Variants in PTPRM observed in about 807,000 individuals in gnomAD.
PTPRM encodes the protein receptor-type tyrosine-protein phosphatase mu.
Under a neutral mutation model 186.7 loss-of-function variants are expected in PTPRM, and 47 were observed. That is an observed-to-expected ratio of 0.25 (90% CI 0.20 to 0.32). The LOEUF (loss-of-function observed/expected upper bound fraction) is 0.32, where lower values mean the gene tolerates loss of function less well. PTPRM is among the 10% of genes least tolerant of loss of function. The probability of loss-of-function intolerance (pLI) is 1.00; values close to 1 mark genes in which losing one functional copy is unlikely to be tolerated. For synonymous variants in PTPRM, 668 were observed against 674.9 expected, an observed-to-expected ratio of 0.99 and a Z score of 0.16; for missense variants, 1,494 against 1,865.0, an observed-to-expected ratio of 0.80 and a Z score of 3.66.
At chr18:8,288,164 G>A (rs72916829) in intron 19 of PTPRM, among the ~76,000 whole-genome samples, 1 of 152,348 alleles carries the variant, frequency 6.6e-6, no homozygotes, top group Non-Finnish European at 1.5e-5. Flanking sequence ...AGAAGCAGCA[G>A]AGAGTCTTGC....
In PTPRM at chr18:8,262,050, T is replaced by C. The variant is rs191002609; in HGVS notation, c.2754+8636T>C. ...CTCCTGCTTTTGATTAGTTTGATGC[T>C]GTCACCGCCCACTAACATGGTCAAA... On this transcript the variant is annotated intron_variant, in intron 19 of 32. Coordinates refer to ENST00000580170, the MANE Select transcript of PTPRM (RefSeq NM_001105244.2). Among the ~76,000 whole-genome samples, 7 of 152,238 alleles carry C rather than the reference T, an allele frequency of 4.6e-5. No individual in the cohort carries two copies. The East Asian group carries it at 1.4e-3, about 29-fold the overall frequency.
At chr18:8,334,201 G>A (rs2095426524) in intron 22 of PTPRM, among the ~76,000 whole-genome samples, 2 of 152,182 alleles carry the variant, frequency 1.3e-5, no homozygotes, top group African/African-American at 4.8e-5. Flanking sequence ...CTTGTCCTGG[G>A]TTCCCCTTAT....
chr18:8,021,916 T>C (rs2147970902), intron 7 of PTPRM, among the ~76,000 whole-genome samples: 1 of 152,328 alleles, frequency 6.6e-6, no homozygotes, highest in South Asian at 2.1e-4. Flanking sequence ...AAATTTAGAC[T>C]AATCAGTAGA....
chr18:8,242,184 A>T (rs1369295103), intron 14 of PTPRM, among the ~76,000 whole-genome samples: 1 of 152,182 alleles, frequency 6.6e-6, no homozygotes, highest in Non-Finnish European at 1.5e-5. Context: ...TAGGCAGAAC[A>T]AAAAAGAATA....
At chr18:7,931,741 AT>A (rs1441615292) in intron 5 of PTPRM, among the ~76,000 whole-genome samples, 1 of 152,220 alleles carries the variant, frequency 6.6e-6, no homozygotes, top group African/African-American at 2.4e-5. Context: ...GATGTTGTAT[AT>A]TTTTTATGTA....
intron 14 of PTPRM, among the ~76,000 whole-genome samples, chr18:8,199,181 C>T (rs545060788): frequency 2.0e-5 from 3 of 152,108 alleles, no homozygotes; most frequent in South Asian, 2.1e-4. Flanking sequence ...CTGTTATATG[C>T]CTTAAGTTAT....
At chr18:8,004,383 T>G (rs550962065) in intron 7 of PTPRM, among the ~76,000 whole-genome samples, 1 of 152,032 alleles carries the variant, frequency 6.6e-6, no homozygotes, top group Non-Finnish European at 1.5e-5. Context: ...GTAGAAAAAT[T>G]ACTCAGGCAA....
chr18:8,301,933 G>A (rs543935416), intron 20 of PTPRM, among the ~76,000 whole-genome samples: 2 of 152,218 alleles, frequency 1.3e-5, no homozygotes, highest in Non-Finnish European at 2.9e-5. Flanking sequence ...ACGGAGGAGT[G>A]TGGCCGCCCA....
chr18:7,926,770 A>C, intron 5 of PTPRM, 87 bp downstream of exon 5: 5 of 882,780 alleles, frequency 5.7e-6, no homozygotes, highest in Non-Finnish European at 8.5e-6. Flanking sequence ...AAACAGACTC[A>C]GGTCCTAGTG....
Position 7,874,043 on chromosome 18 carries a change from T to C in PTPRM, c.197-14063T>C, listed in dbSNP as rs372406666. Among the ~76,000 whole-genome samples, 56 of 152,220 alleles carry C rather than the reference T, an allele frequency of 3.7e-4. 1 individual carries two copies. In the South Asian group the frequency reaches 5.0e-3, roughly 14 times the overall value. ...CTGAAGAGTTGTCAACATTATATTA[T>C]TGGTAAAGGATCAGAACAAGCTGCA... On this transcript the variant is annotated intron_variant, in intron 2 of 32. Transcript: ENST00000580170.
chr18:8,196,076 A>T (rs1185114626), intron 14 of PTPRM, among the ~76,000 whole-genome samples: 1 of 152,258 alleles, frequency 6.6e-6, no homozygotes, highest in Non-Finnish European at 1.5e-5. Context: ...TAAAGAACTA[A>T]AATGACTGAG....
chr18:8,096,525 T>A (rs2145458586), intron 11 of PTPRM, among the ~76,000 whole-genome samples: 1 of 152,352 alleles, frequency 6.6e-6, no homozygotes, highest in African/African-American at 2.4e-5. Flanking sequence ...ACATGCTGTT[T>A]CTTTTCCCTC....
chr18:7,946,784 G>A (rs1568053798), intron 5 of PTPRM: 1 of 369,964 alleles, frequency 2.7e-6, no homozygotes, highest in South Asian at 2.0e-5. Context: ...TAATACTAAA[G>A]ATAATGTTGA....
chr18:8,227,291 T>G (rs1386550280), intron 14 of PTPRM, among the ~76,000 whole-genome samples: 1 of 152,176 alleles, frequency 6.6e-6, no homozygotes, highest in Non-Finnish European at 1.5e-5. Context: ...CTTTTCTGGG[T>G]TATCATTCAT....
At chr18:7,787,930 G>C (rs749784606) in intron 2 of PTPRM, among the ~76,000 whole-genome samples, 8 of 152,156 alleles carry the variant, frequency 5.3e-5, no homozygotes, top group African/African-American at 9.7e-5. Flanking sequence ...TGTGAGAGTT[G>C]AGCGTGAACT....
intron 14 of PTPRM, among the ~76,000 whole-genome samples, chr18:8,176,308 C>T (rs1013327783): frequency 1.3e-5 from 2 of 152,134 alleles, no homozygotes; most frequent in African/African-American, 4.8e-5. Context: ...CTACTGCAAT[C>T]TCAAAAAATA....
intron 1 of PTPRM, among the ~76,000 whole-genome samples, chr18:7,660,888 T>C (rs2038963424): frequency 6.6e-6 from 1 of 151,976 alleles, no homozygotes; most frequent in Non-Finnish European, 1.5e-5. Flanking sequence ...GGAGAATCGC[T>C]TGAACCTGGG....
At chr18:8,088,624 G>C (rs2090553772) in intron 10 of PTPRM, 125 bp from the exon 11 acceptor site, 1 of 742,166 alleles carries the variant, frequency 1.3e-6, no homozygotes. Flanking sequence ...GCTCGTGGTT[G>C]TTGATAGCTG....
chr18:7,954,975 T>C, intron 6 of PTPRM, 146 bp from the exon 7 acceptor site: 2 of 768,738 alleles, frequency 2.6e-6, no homozygotes. Context: ...CAACATACTT[T>C]TTCTTGTTAA....
Sources: allele counts gnomAD v4.1 joint callset (sites outside exome capture counted in the v4.1 genomes callset), GRCh38; gene constraint gnomAD v4.1.1; transcripts MANE v1.5; gene names NCBI Gene and HGNC (gene_info 2026-07-23, HGNC 2026-07-21).